The following AUNIP variants were observed in gnomAD, a reference collection of about 807,000 sequenced individuals.
The protein encoded by AUNIP is aurora kinase A- and ninein-interacting protein.
In AUNIP, 16 loss-of-function variants were observed where a neutral mutation model predicts 12.2. The ratio of observed to expected loss-of-function variants is 1.31; its 90% confidence interval spans 0.88 to 1.99. The LOEUF (loss-of-function observed/expected upper bound fraction) is 1.99. Among genes scored for constraint, AUNIP ranks in the 30% most tolerant of loss-of-function variants. The probability of loss-of-function intolerance (pLI) is 0.00; values close to 1 mark genes in which losing one functional copy is unlikely to be tolerated. For synonymous variants in AUNIP, 142 were observed against 154.8 expected (o/e 0.92, Z 0.61); for missense variants, 411 against 419.1 (o/e 0.98, Z 0.17).
At chr1:25,841,109 G>A (rs72879434) in intron 1 of AUNIP, among the ~76,000 whole-genome samples, 3,394 of 152,238 alleles carry the variant, frequency 0.022, 130 homozygotes, top group African/African-American at 0.076. Flanking sequence ...TGTACCTTCC[G>A]TAGGTCAGAG....
chr1:25,834,251 GA>G lies in AUNIP; in HGVS notation c.*741del, dbSNP rs1382971868. Reference sequence around the variant, plus strand: ...GTTGTGGGGAGATTTGCTAATCACTGAAAAAAAAGGGTCAAGAGTAATCATC... The same window carrying G: ...GTTGTGGGGAGATTTGCTAATCACTGAAAAAAAGGGTCAAGAGTAATCATC... On this transcript the variant is annotated 3_prime_UTR_variant, in exon 3 of 3. Transcript: ENST00000374298. 2.0e-6 allele frequency: 2 copies of G among 984,558 alleles called. No individual in the cohort carries two copies. Among genetic ancestry groups the G allele is most frequent in the Non-Finnish European group, 2.4e-6 (2 of 829,582 alleles). The allele number at this position is 984,558 out of a possible 1,614,324, so 61.0% of individuals were successfully genotyped here.
chr1:25,843,172 C>CAA (rs1216108790), intron 1 of AUNIP, among the ~76,000 whole-genome samples: 24 of 134,868 alleles, frequency 1.8e-4, no homozygotes, highest in African/African-American at 6.0e-4. Context: ...GACCCCATCT[C>CAA]AAAAAAAAAA....
chr1:25,832,097 AT>A, downstream of AUNIP: 2 of 1,611,476 alleles, frequency 1.2e-6, no homozygotes, highest in Non-Finnish European at 1.7e-6. Context: ...CTCACCGCAG[AT>A]GTTTCTGCCT....
downstream of AUNIP, among the ~76,000 whole-genome samples, chr1:25,833,577 C>T (rs940938686): frequency 6.6e-6 from 1 of 151,904 alleles, no homozygotes; most frequent in Non-Finnish European, 1.5e-5. Context: ...AAAGCAAGAC[C>T]TCATCTCTAC....
At chr1:25,837,281 AC>A (rs1401665802) in intron 2 of AUNIP, 131 bp downstream of exon 2, 5 of 1,111,372 alleles carry the variant, frequency 4.5e-6, no homozygotes, top group Non-Finnish European at 6.2e-6. Flanking sequence ...ATGTTTTATA[AC>A]CTCTTCTAAC....
rs2048489828 is a variant in AUNIP at position 25,859,430 on chromosome 1, G to A, written c.-73C>T. The A allele has an allele frequency of 4.4e-6, 6 of 1,353,020 alleles. No individual in the cohort carries two copies. The highest frequency in any genetic ancestry group is 3.6e-5 in the Admixed American group (1 of 27,434). The allele number at this position is 1,353,020 out of a possible 1,614,324, so 83.8% of individuals were successfully genotyped here. A position where few individuals can be genotyped will look rare whatever the true frequency, so the allele number is the denominator to read the frequency against. On this transcript the variant is annotated 5_prime_UTR_variant, in exon 1 of 3. Transcript: ENST00000374298. ...CGCCTCAGGGAACGCCAGAACCGCG[G>A]CCGCCGACGTTCGGATCTCGCGCCA...
At chr1:25,831,978 G>A, downstream of AUNIP, 1 of 1,614,222 alleles carries the variant, frequency 6.2e-7, no homozygotes, top group Non-Finnish European at 8.5e-7. Flanking sequence ...AGGTCCTAAG[G>A]AGGAAGTTTG....
At chr1:25,841,688 TA>T (rs1303975446) in intron 1 of AUNIP, among the ~76,000 whole-genome samples, 1 of 152,096 alleles carries the variant, frequency 6.6e-6, no homozygotes, top group Non-Finnish European at 1.5e-5. Flanking sequence ...CACGCCCGGC[TA>T]ATTTTTTTGT....
chr1:25,844,732 A>T (rs2048370747), intron 1 of AUNIP, among the ~76,000 whole-genome samples: 2 of 152,118 alleles, frequency 1.3e-5, no homozygotes, highest in Non-Finnish European at 2.9e-5. Flanking sequence ...GACACACATG[A>T]AAGTATTATT....
Position 25,847,929 on chromosome 1 carries a change from A to G in AUNIP, c.79-10375T>C, listed in dbSNP as rs150172411. Among the ~76,000 whole-genome samples, 5,859 of 152,180 alleles carry G rather than the reference A, an allele frequency of 0.039. 396 individuals carry two copies. Among genetic ancestry groups the G allele is most frequent in the African/African-American group, 0.13 (5,563 of 41,480 alleles). ...CACCGCACTCTAGCCTGGGTGACAG[A>G]GTGAGACCCTGTCTCAAAAATAAAA... On this transcript the variant is annotated intron_variant, in intron 1 of 2. Coordinates refer to ENST00000374298, the MANE Select transcript of AUNIP (RefSeq NM_024037.3). This position sits in a 1 kb window ranked among gnomAD's most constrained non-coding sequence, Gnocchi z 4.2.
chr1:25,843,282 G>A (rs1435777376), intron 1 of AUNIP, among the ~76,000 whole-genome samples: 4 of 150,966 alleles, frequency 2.6e-5, no homozygotes, highest in Non-Finnish European at 5.9e-5. Context: ...TTTCATGCCT[G>A]TTAACACAAT....
chr1:25,843,854 T>C (rs904121643), intron 1 of AUNIP, among the ~76,000 whole-genome samples: 1 of 137,870 alleles, frequency 7.3e-6, no homozygotes, highest in Admixed American at 6.9e-5. Flanking sequence ...TTGCGTCTAA[T>C]AGATAAGCAA....
rs374215408 is a variant in AUNIP at position 25,837,394 on chromosome 1, C to G, written c.220+19G>C. ...TTTTTGCTCTGGATAATGAAGTATT[C>G]CCATATGGGTCACCATACCTGGCTG... On this transcript the variant is annotated intron_variant, in intron 2 of 2. Transcript: ENST00000374298. 1 of 1,607,596 alleles carries G rather than the reference C, an allele frequency of 6.2e-7. No individual in the cohort carries two copies. The highest frequency in any genetic ancestry group is 1.1e-5 in the South Asian group (1 of 89,748).
At position 25,836,581 on chromosome 1, in the gene AUNIP, C is replaced by T. The variant is rs139598771; in HGVS notation, c.221-735G>A. Among the ~76,000 whole-genome samples the T allele has an allele frequency of 1.7e-3, 263 of 152,290 alleles. 1 individual carries two copies. Among genetic ancestry groups the T allele is most frequent in the African/African-American group, 5.8e-3 (240 of 41,564 alleles). ...CCAAGATCTAATTATAAAAACAAAG[C>T]AGAATAACTGATTTCCTCTTTCCTT... On this transcript the variant is annotated intron_variant, in intron 2 of 2. Transcript: ENST00000374298.
intron 1 of AUNIP, among the ~76,000 whole-genome samples, chr1:25,839,300 A>G (rs1337728705): frequency 1.3e-5 from 2 of 152,238 alleles, no homozygotes; most frequent in Non-Finnish European, 2.9e-5. Context: ...GTGCAGAGAA[A>G]GACCTCCAGA....
chr1:25,840,794 A>G (rs1230273674), intron 1 of AUNIP, among the ~76,000 whole-genome samples: 1 of 152,202 alleles, frequency 6.6e-6, no homozygotes, highest in Non-Finnish European at 1.5e-5. Context: ...ATGGCTCTCT[A>G]AATTTTATAG....
At chr1:25,857,719 C>T (rs1006442499) in intron 1 of AUNIP, among the ~76,000 whole-genome samples, 12 of 151,526 alleles carry the variant, frequency 7.9e-5, no homozygotes, top group African/African-American at 2.7e-4. Context: ...AAAAATCAGC[C>T]GAGCGTAGTG....
At chr1:25,832,203 C>G (rs1300015491), downstream of AUNIP, 4 of 1,520,428 alleles carry the variant, frequency 2.6e-6, no homozygotes, top group Non-Finnish European at 2.6e-6. Flanking sequence ...ACTTCAAACC[C>G]TAGCAGAAGC....
At chr1:25,841,361 A>G (rs1490397271) in intron 1 of AUNIP, among the ~76,000 whole-genome samples, 1 of 151,988 alleles carries the variant, frequency 6.6e-6, no homozygotes, top group Non-Finnish European at 1.5e-5. Flanking sequence ...CACTTTGAAG[A>G]TGTGTTTTTG....
Sources: allele counts gnomAD v4.1 joint callset (sites outside exome capture counted in the v4.1 genomes callset), GRCh38; gene constraint gnomAD v4.1.1; non-coding constraint Gnocchi (gnomAD v3.1); transcripts MANE v1.5; gene names NCBI Gene and HGNC (gene_info 2026-07-23, HGNC 2026-07-21).